The following MSN variants were observed in gnomAD, a reference collection of about 807,000 sequenced individuals.
MSN encodes the protein epididymis luminal protein 70.
MSN carries 2 observed loss-of-function variants against 48.0 expected under a neutral mutation model. That is an observed-to-expected ratio of 0.04 (90% CI 0.02 to 0.13). MSN has a LOEUF of 0.13. Ranked by LOEUF, MSN falls within the 10% of genes least tolerant of loss-of-function variation. The pLI is 1.00. For missense variants in MSN, 267 were observed against 470.1 expected, an observed-to-expected ratio of 0.57 and a Z score of 3.99; for synonymous variants, 146 against 166.9, an observed-to-expected ratio of 0.87 and a Z score of 0.97.
intron 1 of MSN, among the ~76,000 whole-genome samples, chrX:65,604,367 G>A (rs1202720958): frequency 8.9e-6 from 1 of 111,746 alleles, no homozygotes; most frequent in Non-Finnish European, 1.9e-5. Flanking sequence ...GAAGAGTGCA[G>A]GGTTAGAGAT....
At chrX:65,678,997 T>C (rs1249870682) in intron 1 of MSN, among the ~76,000 whole-genome samples, 1 of 111,730 alleles carries the variant, frequency 9.0e-6, no homozygotes, top group Non-Finnish European at 1.9e-5. Flanking sequence ...ATTGAGTGTG[T>C]CATTTTCTCC....
At chrX:65,716,764 C>T in intron 1 of MSN, 54 bp from the exon 2 acceptor site, 1 of 1,072,526 alleles carries the variant, frequency 9.3e-7, no homozygotes, top group African/African-American at 1.8e-5. Context: ...TTGTCTCAGG[C>T]TCTGTTGAAC....
intron 1 of MSN, among the ~76,000 whole-genome samples, chrX:65,649,565 G>C (rs1454126389): frequency 1.0e-5 from 1 of 95,824 alleles, no homozygotes; most frequent in Non-Finnish European, 2.0e-5. Flanking sequence ...GACAGAGAGA[G>C]ACTCTATCTC....
chrX:65,728,746 A>AC (rs1220040721), intron 3 of MSN, among the ~76,000 whole-genome samples: 1 of 111,464 alleles, frequency 9.0e-6, no homozygotes, highest in Non-Finnish European at 1.9e-5. Flanking sequence ...CCTCAGTTGG[A>AC]CCCCAAATGG....
intron 1 of MSN, among the ~76,000 whole-genome samples, chrX:65,693,791 C>T (rs767731372): frequency 5.3e-5 from 6 of 112,286 alleles, no homozygotes; most frequent in Non-Finnish European, 1.1e-4. Flanking sequence ...CAGTGGCTCA[C>T]GCCTGTAATC....
At chrX:65,711,494 C>T (rs1240457482) in intron 1 of MSN, among the ~76,000 whole-genome samples, 2 of 112,603 alleles carry the variant, frequency 1.8e-5, no homozygotes, top group Non-Finnish European at 3.7e-5. Context: ...CCATACCCGG[C>T]CCCTAACATA....
At chrX:65,633,847 G>A (rs1004588475) in intron 1 of MSN, among the ~76,000 whole-genome samples, 5 of 111,876 alleles carry the variant, frequency 4.5e-5, no homozygotes, top group African/African-American at 1.3e-4. Context: ...CTAACATGAT[G>A]GATATTAGTC....
intron 1 of MSN, among the ~76,000 whole-genome samples, chrX:65,714,859 C>T (rs186609626): frequency 1.2e-3 from 130 of 111,563 alleles, no homozygotes; most frequent in South Asian, 9.7e-3. Flanking sequence ...TTGCTTTTGG[C>T]GTCTTTGTTA....
At chrX:65,663,935 C>T (rs752139749), upstream of MSN, among the ~76,000 whole-genome samples, 35 of 108,730 alleles carry the variant, frequency 3.2e-4, no homozygotes, top group Non-Finnish European at 5.7e-4. Flanking sequence ...TGGCGGGTGC[C>T]TATAGTCCCA....
At chrX:65,666,568 C>T (rs1569459739), upstream of MSN, among the ~76,000 whole-genome samples, 1 of 110,903 alleles carries the variant, frequency 9.0e-6, no homozygotes, top group Non-Finnish European at 1.9e-5. Flanking sequence ...ATCAGCCCGC[C>T]TCAGCCTCCC....
chrX:65,665,184 T>C (rs905509417), upstream of MSN, among the ~76,000 whole-genome samples: 1 of 111,919 alleles, frequency 8.9e-6, no homozygotes, highest in Non-Finnish European at 1.9e-5. Context: ...TTCCAGAAAG[T>C]TGGAGTCGCC....
Position 65,589,082 on chromosome X carries a change from C to T in MSN, c.-22+470C>T, listed in dbSNP as rs557865468. On this transcript the variant is annotated intron_variant, in intron 1 of 3. Coordinates refer to the MSN transcript ENST00000609672. ...TTCTCCAGTCAGGTACCTCCTACTCCCTGTGGAGGCCTGGGGATCTCTAAG... is the reference window on the plus strand; with the variant it reads ...TTCTCCAGTCAGGTACCTCCTACTCTCTGTGGAGGCCTGGGGATCTCTAAG... 3.2e-4 allele frequency: 42 copies of T among 129,349 alleles called. No homozygotes were observed. The South Asian group carries it at 6.6e-3, about 20-fold the overall frequency. The allele number at this position is 129,349 out of a possible 1,213,427, so 10.7% of individuals were successfully genotyped here.
intron 1 of MSN, among the ~76,000 whole-genome samples, chrX:65,615,964 C>A (rs1324787368): frequency 1.8e-5 from 2 of 110,733 alleles, no homozygotes; most frequent in African/African-American, 6.6e-5. Flanking sequence ...AAATAGGGAA[C>A]CCTTTCCCCA....
chrX:65,684,981 C>T (rs757084094), intron 1 of MSN, among the ~76,000 whole-genome samples: 82 of 112,436 alleles, frequency 7.3e-4, no homozygotes, highest in African/African-American at 2.5e-3. Context: ...TCAAGCAATC[C>T]TATCACCTCA....
At chrX:65,718,321 T>A (rs1181224157) in intron 2 of MSN, among the ~76,000 whole-genome samples, 3 of 110,780 alleles carry the variant, frequency 2.7e-5, no homozygotes. Context: ...GTGAGTGTGT[T>A]ATGTTTTGTA....
chrX:65,642,134 CAA>C (rs1220561125), intron 1 of MSN, among the ~76,000 whole-genome samples: 1 of 59,777 alleles, frequency 1.7e-5, no homozygotes, highest in Non-Finnish European at 2.9e-5. Context: ...AACTCCATCT[CAA>C]AAAAAAAAAA....
chrX:65,677,749 C>T (rs997025093), intron 1 of MSN, among the ~76,000 whole-genome samples: 1 of 108,089 alleles, frequency 9.3e-6, no homozygotes, highest in Non-Finnish European at 1.9e-5. Context: ...CAAAGCAAGA[C>T]TCTGTCTAAA....
At chrX:65,734,502 A>G (rs1485258243) in intron 7 of MSN, among the ~76,000 whole-genome samples, 5 of 111,993 alleles carry the variant, frequency 4.5e-5, no homozygotes, top group African/African-American at 1.3e-4. Flanking sequence ...ACCCCAAGCT[A>G]TATGAGACAG....
chrX:65,641,550 GTATA>G (rs1168302693), intron 1 of MSN, among the ~76,000 whole-genome samples: 457 of 15,343 alleles, frequency 0.03, 28 homozygotes, highest in East Asian at 0.1. Context: ...AAAAAGTGAA[GTATA>G]TATATATATA....
Sources: gnomAD v4.1 joint callset for allele counts (sites outside exome capture counted in the v4.1 genomes callset) on GRCh38, gnomAD v4.1.1 for gene constraint, MANE v1.5 for transcripts, NCBI Gene and HGNC (gene_info 2026-07-23, HGNC 2026-07-21) for gene names.